Variants in GALNT13 observed in about 807,000 individuals in gnomAD.
GALNT13 encodes the protein UDP-GalNAc:polypeptide N-acetylgalactosaminyltransferase 13.
A neutral mutation model predicts 64.2 loss-of-function variants in GALNT13; 28 were observed. The observed-to-expected ratio is 0.44, with a 90% CI of 0.32 to 0.60. GALNT13 has a LOEUF of 0.60. Ranked by LOEUF, GALNT13 falls within the 20% of genes least tolerant of loss-of-function variation. The probability of loss-of-function intolerance (pLI) is 0.05; values close to 1 mark genes in which losing one functional copy is unlikely to be tolerated. For missense variants in GALNT13, 577 were observed against 669.8 expected, an observed-to-expected ratio of 0.86 and a Z score of 1.53; for synonymous variants, 214 against 224.6, an observed-to-expected ratio of 0.95 and a Z score of 0.42.
chr2:153,096,141 T>A, the GALNT13 span, among the ~76,000 whole-genome samples: 2 of 152,158 alleles, frequency 1.3e-5, no homozygotes, highest in African/African-American at 2.4e-5. Flanking sequence ...TTCAGAAACA[T>A]ATTGTTTAAT....
At chr2:154,447,063 G>A (rs1161110010) in intron 12 of GALNT13, among the ~76,000 whole-genome samples, 1 of 151,310 alleles carries the variant, frequency 6.6e-6, no homozygotes, top group Non-Finnish European at 1.5e-5. Context: ...TCTCTTTGAG[G>A]CAAACTATAG....
At chr2:154,168,073 A>G (rs911929936) in intron 4 of GALNT13, among the ~76,000 whole-genome samples, 2 of 152,168 alleles carry the variant, frequency 1.3e-5, no homozygotes, top group Non-Finnish European at 2.9e-5. Flanking sequence ...TGGGGTGGGT[A>G]TGTTGTCCAT....
intron 3 of GALNT13, among the ~76,000 whole-genome samples, chr2:154,035,765 A>AT (rs1698625332): frequency 6.6e-6 from 1 of 151,942 alleles, no homozygotes. Flanking sequence ...TAACAAAACC[A>AT]TTTTTCTAAG....
chr2:153,910,048 C>T (rs1023168804), intron 2 of GALNT13, among the ~76,000 whole-genome samples: 2 of 150,554 alleles, frequency 1.3e-5, no homozygotes, highest in African/African-American at 4.9e-5. Context: ...GTCGGTGAAT[C>T]CTTCTGGCCC....
At chr2:153,977,529 GA>G (rs562154423) in intron 3 of GALNT13, among the ~76,000 whole-genome samples, 1 of 152,098 alleles carries the variant, frequency 6.6e-6, no homozygotes, top group Non-Finnish European at 1.5e-5. Context: ...CAGGATGGGG[GA>G]AACCACCACC....
the GALNT13 span, among the ~76,000 whole-genome samples, chr2:153,445,864 C>A: frequency 6.6e-6 from 1 of 152,100 alleles, no homozygotes. Context: ...CCATTCTCAT[C>A]ACTATCTTTT....
the GALNT13 span, among the ~76,000 whole-genome samples, chr2:153,753,622 A>G: frequency 6.6e-6 from 1 of 151,974 alleles, no homozygotes; most frequent in Non-Finnish European, 1.5e-5. Context: ...CTCTGTTCTG[A>G]CCCACCTGGG....
the GALNT13 span, among the ~76,000 whole-genome samples, chr2:153,755,462 A>G: frequency 6.6e-6 from 1 of 152,068 alleles, no homozygotes; most frequent in Admixed American, 6.6e-5. Context: ...GTACTAGATA[A>G]GAGCTTATGG....
chr2:154,075,758 C>T (rs1700955496), intron 3 of GALNT13, among the ~76,000 whole-genome samples: 2 of 151,066 alleles, frequency 1.3e-5, no homozygotes, highest in Non-Finnish European at 3.0e-5. Context: ...GGGGTAAATA[C>T]TTTTGTTTTA....
At chr2:153,636,903 C>T in the GALNT13 span, among the ~76,000 whole-genome samples, 1 of 152,046 alleles carries the variant, frequency 6.6e-6, no homozygotes, top group Non-Finnish European at 1.5e-5. Context: ...TGACTTGATA[C>T]ATGTCTTTAA....
the GALNT13 span, among the ~76,000 whole-genome samples, chr2:153,751,309 A>G: frequency 7.2e-4 from 109 of 151,866 alleles, 1 homozygote; most frequent in Non-Finnish European, 1.3e-3. Flanking sequence ...TGTTCTGTAA[A>G]TATCTATTAG....
At chr2:153,670,263 T>C in the GALNT13 span, among the ~76,000 whole-genome samples, 1 of 152,166 alleles carries the variant, frequency 6.6e-6, no homozygotes, top group East Asian at 1.9e-4. Flanking sequence ...GACCCCTGTG[T>C]AGCCTGGCTG....
the GALNT13 span, among the ~76,000 whole-genome samples, chr2:153,121,905 TTGG>T: frequency 6.6e-6 from 1 of 152,176 alleles, no homozygotes; most frequent in Admixed American, 6.5e-5. Flanking sequence ...CTATCTTATT[TTGG>T]TCAGTTTTAT....
At chr2:154,348,498 G>A (rs1211659488) in intron 9 of GALNT13, among the ~76,000 whole-genome samples, 2 of 152,162 alleles carry the variant, frequency 1.3e-5, no homozygotes, top group East Asian at 3.9e-4. Flanking sequence ...CACCCACACA[G>A]TCACAGGTTT....
At chr2:153,590,754 T>C in the GALNT13 span, among the ~76,000 whole-genome samples, 10 of 152,086 alleles carry the variant, frequency 6.6e-5, no homozygotes, top group Admixed American at 5.9e-4. Context: ...AAAAAGTATT[T>C]GATAAAATTC....
chr2:154,032,439 A>G (rs1698397457), intron 3 of GALNT13, among the ~76,000 whole-genome samples: 1 of 152,016 alleles, frequency 6.6e-6, no homozygotes, highest in African/African-American at 2.4e-5. Context: ...GAAACCAGCC[A>G]CAGACATCAC....
intron 4 of GALNT13, among the ~76,000 whole-genome samples, chr2:154,161,989 G>A (rs1178919158): frequency 2.6e-5 from 4 of 152,104 alleles, no homozygotes; most frequent in Non-Finnish European, 5.9e-5. Context: ...CACTGTGTTA[G>A]CCAGGATGGT....
chr2:153,454,635 G>A, the GALNT13 span, among the ~76,000 whole-genome samples: 8 of 152,176 alleles, frequency 5.3e-5, no homozygotes, highest in African/African-American at 1.7e-4. Flanking sequence ...GTCCAAGAAA[G>A]AAAGAAACCT....
At chr2:153,099,317 G>A in the GALNT13 span, among the ~76,000 whole-genome samples, 1 of 151,984 alleles carries the variant, frequency 6.6e-6, no homozygotes, top group Non-Finnish European at 1.5e-5. Context: ...ACATTTTGAT[G>A]GTAAAGGAAT....
Sources: allele counts gnomAD v4.1 joint callset (sites outside exome capture counted in the v4.1 genomes callset), GRCh38; gene constraint gnomAD v4.1.1; transcripts MANE v1.5; gene names NCBI Gene and HGNC (gene_info 2026-07-23, HGNC 2026-07-21).